HNF1A: variants seen among roughly 807,000 people sequenced by gnomAD.
HNF1A encodes the protein hepatocyte nuclear factor 1-alpha.
A neutral mutation model predicts 62.2 loss-of-function variants in HNF1A; 21 were observed. That is an observed-to-expected ratio of 0.34 (90% CI 0.24 to 0.49). The LOEUF is 0.49. Among genes scored for constraint, HNF1A ranks in the 20% least tolerant of loss-of-function variants. HNF1A has a pLI of 0.99. For synonymous variants in HNF1A, 374 were observed against 366.8 expected (o/e 1.02, Z -0.22); for missense variants, 687 against 832.3 (o/e 0.83, Z 2.15).
chr12:120,990,202 C>T (rs111743556), intron 2 of HNF1A, among the ~76,000 whole-genome samples: 10 of 152,104 alleles, frequency 6.6e-5, no homozygotes, highest in South Asian at 4.2e-4. Context: ...AGTGCAGTGG[C>T]GTGATCTCGG....
rs2135842839 is a variant in HNF1A at position 120,994,415 on chromosome 12, A to G, written c.955+10A>G. The G allele has an allele frequency of 6.3e-7, 1 of 1,583,330 alleles. No homozygotes were observed. The highest frequency in any genetic ancestry group is 1.3e-5 in the African/African-American group (1 of 74,720). ...CCCAGTAAGGTCCACGGTAAGTGGT[A>G]TGTGGGGACAAGGGACACGTGGGAA... On this transcript the variant is annotated intron_variant, in intron 4 of 9. Transcript: ENST00000257555.
At chr12:121,001,038 G>A (rs1465315693) in intron 9 of HNF1A, 27 bp from the exon 10 acceptor site, 7 of 1,611,730 alleles carry the variant, frequency 4.3e-6, no homozygotes, top group South Asian at 1.1e-5. Context: ...CCTGGTGGGT[G>A]GCTAGCAGCC....
chr12:120,984,012 G>A (rs1436040779), intron 1 of HNF1A, among the ~76,000 whole-genome samples: 2 of 151,292 alleles, frequency 1.3e-5, no homozygotes, highest in Non-Finnish European at 2.9e-5. Flanking sequence ...TGGGGGGTAG[G>A]GAGAGAGAGA....
In HNF1A at chr12:121,002,237, G is replaced by C; in HGVS notation, c.*1045G>C. The C allele has an allele frequency of 2.3e-6, 1 of 440,886 alleles. No homozygotes were observed. Among genetic ancestry groups the C allele is most frequent in the Non-Finnish European group, 4.3e-6 (1 of 231,176 alleles). The allele number at this position is 440,886 out of a possible 1,614,324, so 27.3% of individuals were successfully genotyped here. On this transcript the variant is annotated 3_prime_UTR_variant, in exon 10 of 10. Coordinates refer to ENST00000257555, the MANE Select transcript of HNF1A (RefSeq NM_000545.8). Reference sequence around the variant, plus strand: ...GACAGGACTAACACTCAGAAGCCTGGGGGCCTGGCTGGCTGAGGGCAGTTC... The same window carrying C: ...GACAGGACTAACACTCAGAAGCCTGCGGGCCTGGCTGGCTGAGGGCAGTTC...
rs1490660952 is a variant in HNF1A at position 120,988,370 on chromosome 12, GTCCA to G, written c.327-456_327-453del. On this transcript the variant is annotated intron_variant, in intron 1 of 9. Transcript: ENST00000257555. ...ACTCTACCCTACCATCCATCCACCA[GTCCA>G]TCCATCTATCCACCAATTCATCCAT... Among the ~76,000 whole-genome samples, 4 of 142,814 alleles carry G rather than the reference GTCCA, an allele frequency of 2.8e-5. No individual in the cohort carries two copies. The East Asian group carries it at 8.6e-4, about 31-fold the overall frequency. 93.7% of individuals were successfully genotyped at this position (142,814 alleles called of 152,430 possible).
intron 2 of HNF1A, among the ~76,000 whole-genome samples, chr12:120,990,688 A>G (rs61946405): frequency 2.1e-5 from 3 of 140,752 alleles, no homozygotes; most frequent in African/African-American, 7.7e-5. Flanking sequence ...GGGAGGAAGG[A>G]AGGAAGGAAG....
chr12:120,999,255 C>T lies in HNF1A; in HGVS notation c.1502-13C>T. ...ACGTCTGCCACGTCTGCCCCTCTCT[C>T]CCCTGCGGCCAGCCCTCTACAGCCA... On this transcript the variant is annotated splice_polypyrimidine_tract_variant and intron_variant, in intron 7 of 9. Coordinates refer to ENST00000257555, the MANE Select transcript of HNF1A (RefSeq NM_000545.8). The T allele has an allele frequency of 6.2e-7, 1 of 1,613,896 alleles. No individual in the cohort carries two copies. Among genetic ancestry groups the T allele is most frequent in the Non-Finnish European group, 8.5e-7 (1 of 1,180,014 alleles).
At chr12:120,987,809 TCTAC>T (rs1486315016) in intron 1 of HNF1A, among the ~76,000 whole-genome samples, 19 of 144,968 alleles carry the variant, frequency 1.3e-4, no homozygotes, top group African/African-American at 2.8e-4. Context: ...TATCTATCTA[TCTAC>T]GTGTTTGCAC....
At chr12:120,986,048 C>G (rs563560799) in intron 1 of HNF1A, among the ~76,000 whole-genome samples, 1 of 151,956 alleles carries the variant, frequency 6.6e-6, no homozygotes, top group Non-Finnish European at 1.5e-5. Flanking sequence ...ATGTAATTTA[C>G]AAAGTACACA....
chr12:121,000,943 G>A, intron 9 of HNF1A, 122 bp from the exon 10 acceptor site: 3 of 1,386,092 alleles, frequency 2.2e-6, no homozygotes, highest in East Asian at 2.3e-5. Context: ...TGGGGTTCCT[G>A]TTATCTGCTG....
At chr12:120,987,473 T>TAAAAAAAAAAA (rs1876569290) in intron 1 of HNF1A, among the ~76,000 whole-genome samples, 1 of 92,848 alleles carries the variant, frequency 1.1e-5, no homozygotes. Flanking sequence ...AGACTCCATC[T>TAAAAAAAAAAA]CAAAAAAAAA....
chr12:120,979,159 G>A (rs1327200035), intron 1 of HNF1A, 65 bp downstream of exon 1: 4 of 1,421,822 alleles, frequency 2.8e-6, no homozygotes, highest in Admixed American at 1.9e-5. Context: ...AGCTCCTAAC[G>A]AGCCCCCCTT....
intron 2 of HNF1A, 126 bp from the exon 3 acceptor site, chr12:120,993,394 T>TTAGATG (rs1876923774): frequency 1.1e-6 from 1 of 884,594 alleles, no homozygotes; most frequent in Non-Finnish European, 1.8e-6. Context: ...GATTTCTAAG[T>TTAGATG]TCTAGCTGTA....
At chr12:120,982,944 C>T (rs1876326262) in intron 1 of HNF1A, among the ~76,000 whole-genome samples, 1 of 152,194 alleles carries the variant, frequency 6.6e-6, no homozygotes, top group East Asian at 1.9e-4. Flanking sequence ...TCCTCCTCCC[C>T]ATCTCTGAAG....
intron 1 of HNF1A, among the ~76,000 whole-genome samples, chr12:120,980,136 G>A (rs1170692817): frequency 6.6e-6 from 1 of 152,204 alleles, no homozygotes; most frequent in African/African-American, 2.4e-5. Flanking sequence ...CTGGGCAGAA[G>A]CTATTGGTGA....
chr12:120,993,437 A>G (rs180900291), intron 2 of HNF1A, 83 bp from the exon 3 acceptor site: 10 of 1,403,100 alleles, frequency 7.1e-6, no homozygotes, highest in African/African-American at 5.7e-5. Context: ...GGCAATGAGA[A>G]AGAATCAAGG....
chr12:120,983,225 G>C (rs1249205866), intron 1 of HNF1A, among the ~76,000 whole-genome samples: 3 of 152,210 alleles, frequency 2.0e-5, no homozygotes, highest in African/African-American at 7.2e-5. Context: ...GCTCTGCTGT[G>C]TGGGGCCAAG....
At chr12:120,994,795 T>A (rs1200413710) in intron 4 of HNF1A, among the ~76,000 whole-genome samples, 1 of 150,096 alleles carries the variant, frequency 6.7e-6, no homozygotes, top group Non-Finnish European at 1.5e-5. Flanking sequence ...TACCTTCAAC[T>A]CTACCCCATC....
chr12:120,993,803 G>A (rs1349859119), intron 3 of HNF1A, 97 bp downstream of exon 3: 21 of 1,297,634 alleles, frequency 1.6e-5, no homozygotes, highest in Non-Finnish European at 2.2e-5. Context: ...AGGCTGTCCA[G>A]TTGCCGAGAA....
Sources: allele counts gnomAD v4.1 joint callset (sites outside exome capture counted in the v4.1 genomes callset), GRCh38; gene constraint gnomAD v4.1.1; transcripts MANE v1.5; gene names NCBI Gene and HGNC (gene_info 2026-07-23, HGNC 2026-07-21).